Variants in NCKAP5 observed in about 807,000 individuals in gnomAD.
The protein encoded by NCKAP5 is NCK associated protein 5, also known as nck-associated protein 5.
NCKAP5 carries 92 observed loss-of-function variants against 167.0 expected under a neutral mutation model. That is an observed-to-expected ratio of 0.55 (90% CI 0.47 to 0.66). The LOEUF (loss-of-function observed/expected upper bound fraction) is 0.66. Among genes scored for constraint, NCKAP5 ranks in the 30% least tolerant of loss-of-function variants. The probability of loss-of-function intolerance (pLI) is 0.00; values close to 1 mark genes in which losing one functional copy is unlikely to be tolerated. For synonymous variants in NCKAP5, 891 were observed against 877.4 expected, an observed-to-expected ratio of 1.02 and a Z score of -0.27; for missense variants, 2,378 against 2,315.0, an observed-to-expected ratio of 1.03 and a Z score of -0.56.
At chr2:133,359,435 G>A (rs1684950899) in intron 3 of NCKAP5, among the ~76,000 whole-genome samples, 1 of 152,158 alleles carries the variant, frequency 6.6e-6, no homozygotes, top group Non-Finnish European at 1.5e-5. Flanking sequence ...TGGAGATTTT[G>A]TGTGATTTGT....
intron 6 of NCKAP5, among the ~76,000 whole-genome samples, chr2:133,129,252 C>T (rs182360438): frequency 6.6e-6 from 1 of 152,020 alleles, no homozygotes; most frequent in Admixed American, 6.6e-5. Flanking sequence ...CCGCTCCCCC[C>T]ACCCCACAAC....
At chr2:133,189,261 A>T (rs2085095421) in intron 5 of NCKAP5, among the ~76,000 whole-genome samples, 1 of 152,128 alleles carries the variant, frequency 6.6e-6, no homozygotes, top group East Asian at 1.9e-4. Flanking sequence ...GAATAGACCG[A>T]TAACAGGCTC....
intron 3 of NCKAP5, among the ~76,000 whole-genome samples, chr2:133,436,137 C>CT (rs1351780648): frequency 6.6e-6 from 1 of 152,202 alleles, no homozygotes; most frequent in Non-Finnish European, 1.5e-5. Flanking sequence ...TGTAGCCCAA[C>CT]TACAAGTATC....
intron 4 of NCKAP5, among the ~76,000 whole-genome samples, chr2:133,280,168 A>G (rs1253489320): frequency 6.6e-6 from 1 of 152,194 alleles, no homozygotes. Flanking sequence ...AAGCAAAGTA[A>G]TAACCTAAGT....
At chr2:133,661,131 G>A in the NCKAP5 span, among the ~76,000 whole-genome samples, 1 of 152,116 alleles carries the variant, frequency 6.6e-6, no homozygotes, top group Non-Finnish European at 1.5e-5. Flanking sequence ...ATCTCTTAGA[G>A]CAAGTGTGAG....
rs1176650237 is a variant in NCKAP5, at chr2:132,784,257, T to C, written c.2554A>G (p.Ser852Gly). 2.5e-6 allele frequency: 4 copies of C among 1,609,266 alleles called. No homozygotes were observed. The change falls in exon 14 of 20, where the codon AGC (serine) becomes GGC (glycine). Residue 852 changes from serine (S) to glycine (G), a missense_variant. Physicochemically the swap from Ser to Gly is moderately conservative, Grantham distance 56. This residue lies in a region of NCKAP5 where 1,049 missense variants were observed against 1,023.4 expected (regional missense o/e 1.02). Coordinates refer to ENST00000409261, the MANE Select transcript of NCKAP5 (RefSeq NM_207363.3). ...CGTAATTCAAAGAGGGGCCCTGAGCTCTCAGTCTTCATGAATCGTGAGAGT... is the reference window on the plus strand; with the variant it reads ...CGTAATTCAAAGAGGGGCCCTGAGCCCTCAGTCTTCATGAATCGTGAGAGT... The part of the protein sequence containing the change: ...GKLSRFMKTE[S>G]SGPLFELRSD...
At chr2:133,431,412 G>A (rs771276106) in intron 3 of NCKAP5, among the ~76,000 whole-genome samples, 1 of 152,150 alleles carries the variant, frequency 6.6e-6, no homozygotes, top group African/African-American at 2.4e-5. Flanking sequence ...ACTTTTAGAG[G>A]TAGAAGAGGA....
intron 11 of NCKAP5, among the ~76,000 whole-genome samples, chr2:132,829,996 C>T (rs956985088): frequency 6.6e-6 from 1 of 152,120 alleles, no homozygotes; most frequent in Admixed American, 6.5e-5. Flanking sequence ...GTGATGTTGA[C>T]TTTCCCCCTC....
At chr2:132,698,009 G>A (rs1045650186) in intron 19 of NCKAP5, among the ~76,000 whole-genome samples, 7 of 152,114 alleles carry the variant, frequency 4.6e-5, no homozygotes, top group Non-Finnish European at 4.4e-5. Context: ...TTATTGGCCC[G>A]TATTTCAAAC....
At chr2:132,812,603 C>T (rs562105941) in intron 11 of NCKAP5, among the ~76,000 whole-genome samples, 15 of 152,222 alleles carry the variant, frequency 9.9e-5, no homozygotes, top group South Asian at 6.2e-4. Context: ...TGGGAACTCT[C>T]GGCAGAGGGG....
chr2:133,574,904 C>A, the NCKAP5 span, among the ~76,000 whole-genome samples: 51 of 152,176 alleles, frequency 3.4e-4, no homozygotes, highest in Non-Finnish European at 1.0e-4. Flanking sequence ...CCTGTCCAGG[C>A]ACAGGGCCAG....
At chr2:133,625,712 T>C in the NCKAP5 span, among the ~76,000 whole-genome samples, 1 of 151,600 alleles carries the variant, frequency 6.6e-6, no homozygotes, top group Non-Finnish European at 1.5e-5. Context: ...CTACTAAAAA[T>C]ACAAAAAAAT....
intron 11 of NCKAP5, among the ~76,000 whole-genome samples, chr2:132,836,300 A>T (rs1320099976): frequency 2.0e-5 from 3 of 152,094 alleles, no homozygotes; most frequent in African/African-American, 7.2e-5. Context: ...TAATTCATTG[A>T]TGTTTAAACT....
the NCKAP5 span, among the ~76,000 whole-genome samples, chr2:133,584,247 T>G: frequency 4.6e-5 from 7 of 152,120 alleles, no homozygotes; most frequent in African/African-American, 1.7e-4. Flanking sequence ...TAAAAAATAT[T>G]CTCTTAAGAA....
At chr2:133,599,094 T>G in the NCKAP5 span, among the ~76,000 whole-genome samples, 1 of 152,194 alleles carries the variant, frequency 6.6e-6, no homozygotes, top group African/African-American at 2.4e-5. Flanking sequence ...TGGATTAGGG[T>G]TCACCCTAAT....
chr2:133,348,824 A>C (rs930204480), intron 3 of NCKAP5, among the ~76,000 whole-genome samples: 1 of 152,212 alleles, frequency 6.6e-6, no homozygotes, highest in South Asian at 2.1e-4. Context: ...GCTGGGAAGG[A>C]TTTACAAGAA....
At position 133,006,624 on chromosome 2, in the gene NCKAP5, T is replaced by A. The variant is rs1271751128; in HGVS notation, c.342-12385A>T. Among the ~76,000 whole-genome samples the A allele has an allele frequency of 4.6e-5, 3 of 65,742 alleles. No individual in the cohort carries two copies. The East Asian group carries it at 1.0e-3, about 22-fold the overall frequency. 43.1% of individuals were successfully genotyped at this position (65,742 alleles called of 152,430 possible). On this transcript the variant is annotated intron_variant, in intron 6 of 19. Coordinates refer to ENST00000409261, the MANE Select transcript of NCKAP5 (RefSeq NM_207363.3). ...CACACAGTTTTTATTTTATTTTATT[T>A]TATTTTTTTTTTGACACATGTTTAG...
intron 8 of NCKAP5, among the ~76,000 whole-genome samples, chr2:132,960,450 A>G (rs1558991868): frequency 6.6e-6 from 1 of 152,210 alleles, no homozygotes; most frequent in Non-Finnish European, 1.5e-5. Flanking sequence ...GGGAGGAAAC[A>G]GAACTATCAA....
intron 19 of NCKAP5, among the ~76,000 whole-genome samples, chr2:132,709,334 A>G (rs919220026): frequency 1.3e-5 from 2 of 152,166 alleles, no homozygotes; most frequent in African/African-American, 4.8e-5. Context: ...TTGAAAGAAG[A>G]GGATGATAAA....
Sources: allele counts gnomAD v4.1 joint callset (sites outside exome capture counted in the v4.1 genomes callset), GRCh38; gene constraint gnomAD v4.1.1; regional missense constraint gnomAD v4.1.1; transcripts MANE v1.5; gene names NCBI Gene and HGNC (gene_info 2026-07-23, HGNC 2026-07-21).